HIVEP3: variants seen among roughly 807,000 people sequenced by gnomAD.
HIVEP3 encodes transcription factor HIVEP3.
In HIVEP3, 49 loss-of-function variants were observed where a neutral mutation model predicts 152.8. The observed-to-expected ratio is 0.32, with a 90% CI of 0.26 to 0.41. The LOEUF is 0.41. Ranked by LOEUF, HIVEP3 falls within the 10% of genes least tolerant of loss-of-function variation. HIVEP3 has a pLI of 1.00. For missense variants in HIVEP3, 2,790 were observed against 3,103.3 expected (o/e 0.90, Z 2.40); for synonymous variants, 1,269 against 1,289.0 (o/e 0.98, Z 0.33).
At position 41,511,551 on chromosome 1, in the gene HIVEP3, CT is replaced by C. The variant is rs1222105635; in HGVS notation, c.6406-286del. Among the ~76,000 whole-genome samples, 10 of 152,174 alleles carry C rather than the reference CT, an allele frequency of 6.6e-5. No individual in the cohort carries two copies. Among genetic ancestry groups the C allele is most frequent in the Non-Finnish European group, 1.0e-4 (7 of 68,026 alleles). ...ATATCTGTCTTCAAAGGAGGGGATA[CT>C]TGAGCGACGTGGGGCCCTGTTGTCA... is the stretch of plus-strand genomic sequence containing the variant. On this transcript the variant is annotated intron_variant, in intron 8 of 8. Transcript: ENST00000372583. The surrounding 1 kb of genome is among the most constrained non-coding windows in gnomAD (Gnocchi z 4.9).
chr1:41,711,880 T>TA (rs1390348940), intron 1 of HIVEP3, among the ~76,000 whole-genome samples: 1 of 152,092 alleles, frequency 6.6e-6, no homozygotes, highest in Non-Finnish European at 1.5e-5. Context: ...TAATTGCTCA[T>TA]AAAAGGGAAG....
chr1:41,960,581 T>C lies in HIVEP3; in HGVS notation n.120-42057A>G, dbSNP rs1316156241. Among the ~76,000 whole-genome samples, 5 of 152,184 alleles carry C rather than the reference T, an allele frequency of 3.3e-5. No individual in the cohort carries two copies. The East Asian group carries it at 9.6e-4, about 29-fold the overall frequency. Reference sequence around the variant, plus strand: ...AAGGATTACACTGAAGCCAGACTTCTTCTAAAACCACATTTTTTCCTAGTT... The same window carrying C: ...AAGGATTACACTGAAGCCAGACTTCCTCTAAAACCACATTTTTTCCTAGTT... On this transcript the variant is annotated intron_variant and non_coding_transcript_variant, in intron 1 of 3. Coordinates refer to the HIVEP3 transcript ENST00000489103.
At chr1:41,658,442 C>G (rs1308793555) in intron 2 of HIVEP3, among the ~76,000 whole-genome samples, 4 of 152,168 alleles carry the variant, frequency 2.6e-5, no homozygotes, top group Non-Finnish European at 4.4e-5. Flanking sequence ...GCTGGGAAGA[C>G]TAGGGACACA....
At chr1:41,614,587 T>C (rs533841701) in intron 3 of HIVEP3, among the ~76,000 whole-genome samples, 1 of 152,318 alleles carries the variant, frequency 6.6e-6, no homozygotes, top group Admixed American at 6.5e-5. Context: ...TTTTGTCTTT[T>C]TGCAATTTTA....
At chr1:41,953,842 T>C (rs1276179398) in intron 1 of HIVEP3, among the ~76,000 whole-genome samples, 1 of 152,178 alleles carries the variant, frequency 6.6e-6, no homozygotes, top group Non-Finnish European at 1.5e-5. Context: ...CTAATAATAA[T>C]GGTATTTGAC....
intron 1 of HIVEP3, among the ~76,000 whole-genome samples, chr1:41,994,325 A>C (rs1181610275): frequency 6.6e-6 from 1 of 151,966 alleles, no homozygotes; most frequent in Non-Finnish European, 1.5e-5. Context: ...CAGAAGCAAC[A>C]TCAGCAGAAA....
At chr1:41,945,951 T>C (rs1453073134) in intron 1 of HIVEP3, among the ~76,000 whole-genome samples, 1 of 151,900 alleles carries the variant, frequency 6.6e-6, no homozygotes, top group Non-Finnish European at 1.5e-5. Flanking sequence ...GAGCAAAACT[T>C]AGAAACCCTA....
chr1:41,707,704 C>T (rs1170523085), intron 1 of HIVEP3, among the ~76,000 whole-genome samples: 1 of 152,210 alleles, frequency 6.6e-6, no homozygotes, highest in Non-Finnish European at 1.5e-5. Context: ...TACTTATTAG[C>T]TGTGCCCATG....
At chr1:41,790,159 T>C (rs977655667) in intron 1 of HIVEP3, among the ~76,000 whole-genome samples, 2 of 152,138 alleles carry the variant, frequency 1.3e-5, no homozygotes, top group African/African-American at 4.8e-5. Context: ...TGGATCCCAG[T>C]GGTGGAGGTA....
intron 1 of HIVEP3, among the ~76,000 whole-genome samples, chr1:41,942,573 T>C (rs569471038): frequency 6.6e-6 from 1 of 152,334 alleles, no homozygotes; most frequent in Admixed American, 6.5e-5. Context: ...CCAAATTACC[T>C]AAGCCTTGAT....
rs1195335594 is a variant in HIVEP3 at position 41,529,073 on chromosome 1, TCACA to T, written c.5208-4167_5208-4164del. Among the ~76,000 whole-genome samples, 11 of 49,824 alleles carry T rather than the reference TCACA, an allele frequency of 2.2e-4. 1 individual carries two copies. The South Asian group carries it at 7.5e-3, about 34-fold the overall frequency. The allele number at this position is 49,824 out of a possible 152,430, so 32.7% of individuals were successfully genotyped here. ...CACACCCCCACCCTCACCCTCACAC[TCACA>T]CACATCCTCACCCCACACCCTCACA... On this transcript the variant is annotated intron_variant, in intron 5 of 8. Transcript: ENST00000372583.
At chr1:41,980,874 C>G (rs1485882356) in intron 1 of HIVEP3, among the ~76,000 whole-genome samples, 14 of 152,200 alleles carry the variant, frequency 9.2e-5, no homozygotes, top group Admixed American at 9.2e-4. Context: ...TTCAGAGGAA[C>G]AGTCTCCTTG....
intron 1 of HIVEP3, among the ~76,000 whole-genome samples, chr1:41,796,057 AAT>A (rs1383363432): frequency 2.0e-5 from 3 of 152,176 alleles, no homozygotes; most frequent in African/African-American, 7.2e-5. Flanking sequence ...AGAACTGGAA[AAT>A]ATATGTGTGT....
chr1:41,619,235 T>C (rs954410118), intron 3 of HIVEP3, among the ~76,000 whole-genome samples: 4 of 152,158 alleles, frequency 2.6e-5, no homozygotes, highest in African/African-American at 9.7e-5. Flanking sequence ...CCCCCAGCAC[T>C]TGCTCCTCGC....
intron 6 of HIVEP3, among the ~76,000 whole-genome samples, chr1:41,518,798 G>C (rs1170807381): frequency 3.4e-5 from 5 of 148,352 alleles, no homozygotes; most frequent in Admixed American, 6.7e-5. Context: ...GAAATTAAAA[G>C]ACAACTCAAG....
chr1:41,761,602 GTGT>G (rs1406920547), intron 1 of HIVEP3, among the ~76,000 whole-genome samples: 7 of 152,226 alleles, frequency 4.6e-5, no homozygotes, highest in African/African-American at 1.7e-4. Flanking sequence ...GTGCATGTGT[GTGT>G]TATGCTTATG....
At chr1:41,814,585 T>C (rs1052011294) in intron 1 of HIVEP3, among the ~76,000 whole-genome samples, 2 of 152,258 alleles carry the variant, frequency 1.3e-5, no homozygotes, top group Admixed American at 1.3e-4. Context: ...GGTGAAACGC[T>C]TTTCCAAACT....
At chr1:41,653,576 C>A in intron 2 of HIVEP3, among the ~76,000 whole-genome samples, 1 of 152,086 alleles carries the variant, frequency 6.6e-6, no homozygotes, top group African/African-American at 2.4e-5. Context: ...AATAAAGAGC[C>A]CAGATATCCT....
intron 3 of HIVEP3, among the ~76,000 whole-genome samples, chr1:41,611,735 C>A (rs898983071): frequency 6.6e-6 from 1 of 152,256 alleles, no homozygotes; most frequent in South Asian, 2.1e-4. Context: ...CTTTCTCCCA[C>A]TGTCCTGGGC....
Sources: gnomAD v4.1 joint callset for allele counts (sites outside exome capture counted in the v4.1 genomes callset) on GRCh38, gnomAD v4.1.1 for gene constraint, Gnocchi (gnomAD v3.1) non-coding constraint, MANE v1.5 for transcripts, NCBI Gene and HGNC (gene_info 2026-07-23, HGNC 2026-07-21) for gene names.